Variants in DSN1 observed in about 807,000 individuals in gnomAD.
The protein encoded by DSN1 is DSN1 component of MIS12 kinetochore complex, also known as kinetochore-associated protein DSN1 homolog.
Under a neutral mutation model 45.7 loss-of-function variants are expected in DSN1, and 31 were observed. That is an observed-to-expected ratio of 0.68 (90% CI 0.51 to 0.92). The LOEUF is 0.92. Among genes scored for constraint, DSN1 ranks in the 40% least tolerant of loss-of-function variants. DSN1 has a pLI of 0.00. For synonymous variants in DSN1, 134 were observed against 142.3 expected (o/e 0.94, Z 0.41); for missense variants, 394 against 414.2 (o/e 0.95, Z 0.42).
At chr20:36,763,410 GAAAAA>G (rs71186016) in intron 5 of DSN1, among the ~76,000 whole-genome samples, 8 of 84,104 alleles carry the variant, frequency 9.5e-5, no homozygotes, top group South Asian at 5.2e-4. Flanking sequence ...CTCAAAAAAA[GAAAAA>G]AAAAAAAAAA....
chr20:36,754,066 A>G (rs1436620754), intron 10 of DSN1, among the ~76,000 whole-genome samples: 2 of 148,740 alleles, frequency 1.3e-5, no homozygotes, highest in African/African-American at 5.0e-5. Context: ...AGTGGCTCAC[A>G]CTTGTAATCC....
At chr20:36,758,028 T>A (rs1986769325) in intron 8 of DSN1, 59 bp downstream of exon 8, 1 of 1,489,298 alleles carries the variant, frequency 6.7e-7, no homozygotes, top group African/African-American at 1.4e-5. Flanking sequence ...AGAACTGAAA[T>A]AAACACCAAT....
chr20:36,763,776 A>C (rs1280097518), intron 5 of DSN1, among the ~76,000 whole-genome samples: 1 of 150,040 alleles, frequency 6.7e-6, no homozygotes, highest in Admixed American at 6.8e-5. Context: ...TGTCCCAGCT[A>C]CTCAGGAGGC....
intron 8 of DSN1, among the ~76,000 whole-genome samples, chr20:36,756,806 ATTT>A (rs1036921552): frequency 8.5e-5 from 13 of 152,182 alleles, no homozygotes; most frequent in African/African-American, 3.1e-4. Flanking sequence ...GCCACAAAAG[ATTT>A]TATCTGAAAC....
intron 4 of DSN1, 148 bp from the exon 5 acceptor site, chr20:36,766,989 T>TA (rs757530570): frequency 2.6e-5 from 13 of 507,958 alleles, no homozygotes; most frequent in Non-Finnish European, 4.1e-5. Flanking sequence ...CAGAAACAAA[T>TA]AAATAGATAA....
chr20:36,757,328 C>T (rs533487589), intron 8 of DSN1, among the ~76,000 whole-genome samples: 49 of 152,012 alleles, frequency 3.2e-4, no homozygotes, highest in South Asian at 1.5e-3. Context: ...TGCATTCCAG[C>T]CTGGGCGACA....
intron 3 of DSN1, among the ~76,000 whole-genome samples, chr20:36,769,798 G>T (rs1987534763): frequency 6.6e-6 from 1 of 151,760 alleles, no homozygotes; most frequent in African/African-American, 2.4e-5. Context: ...TCCACGTTAT[G>T]TTCTGTACTT....
chr20:36,753,930 CG>C (rs1385567690), intron 10 of DSN1, among the ~76,000 whole-genome samples: 4 of 151,496 alleles, frequency 2.6e-5, no homozygotes. Flanking sequence ...CCCTTGAACC[CG>C]GGAAGCAGAG....
intron 6 of DSN1, among the ~76,000 whole-genome samples, chr20:36,759,009 G>A (rs904980255): frequency 2.0e-5 from 3 of 149,394 alleles, no homozygotes; most frequent in African/African-American, 7.4e-5. Context: ...TTGAGACGGA[G>A]TCTCGCTTTG....
chr20:36,753,635 C>CAAAAAA (rs1290145844), intron 10 of DSN1, among the ~76,000 whole-genome samples: 5 of 49,740 alleles, frequency 1.0e-4, no homozygotes, highest in Non-Finnish European at 1.3e-4. Flanking sequence ...GAGACTGTCT[C>CAAAAAA]AAAAAAAAAA....
In DSN1 at chr20:36,755,964, G is replaced by GT. The variant is rs1015668242; in HGVS notation, c.726-136dup. 1,285 of 987,630 alleles carry GT rather than the reference G, an allele frequency of 1.3e-3. 1 individual carries two copies. Among genetic ancestry groups the GT allele is most frequent in the South Asian group, 2.5e-3 (128 of 50,710 alleles). 61.2% of individuals were successfully genotyped at this position (987,630 alleles called of 1,614,324 possible). A position where few individuals can be genotyped will look rare whatever the true frequency, so the allele number is the denominator to read the frequency against. ...TATAGGCTCACTTCTTAACAGAAAG[G>GT]TTTTTTTTTGTTTGTTTGTTTGTTT... On this transcript the variant is annotated intron_variant, in intron 8 of 10. Coordinates refer to ENST00000373750, the MANE Select transcript of DSN1 (RefSeq NM_001145315.2).
chr20:36,765,846 T>TAAAAAAAAAAAA (rs72491027), intron 5 of DSN1, among the ~76,000 whole-genome samples: 7 of 69,458 alleles, frequency 1.0e-4, no homozygotes, highest in East Asian at 8.1e-4. Context: ...AGCAAAAGAC[T>TAAAAAAAAAAAA]AAAAAAAAAA....
At chr20:36,770,284 G>T (rs1463016292) in intron 3 of DSN1, among the ~76,000 whole-genome samples, 1 of 151,920 alleles carries the variant, frequency 6.6e-6, no homozygotes, top group Non-Finnish European at 1.5e-5. Context: ...TGCCTAGGTT[G>T]TCCTCAAACT....
intron 7 of DSN1, 117 bp from the exon 8 acceptor site, chr20:36,758,278 C>G: frequency 9.9e-7 from 1 of 1,008,380 alleles, no homozygotes; most frequent in Non-Finnish European, 1.5e-6. Context: ...GTTGACAGGT[C>G]ATTACAGGGT....
chr20:36,760,275 A>G (rs1379940915), intron 6 of DSN1, among the ~76,000 whole-genome samples: 1 of 151,654 alleles, frequency 6.6e-6, no homozygotes, highest in Non-Finnish European at 1.5e-5. Flanking sequence ...CAAAAAAACA[A>G]CTCTGTGACT....
chr20:36,768,049 T>C lies in DSN1; in HGVS notation c.356-7A>G. The C allele has an allele frequency of 6.2e-7, 1 of 1,613,972 alleles. No individual in the cohort carries two copies. Among genetic ancestry groups the C allele is most frequent in the Non-Finnish European group, 8.5e-7 (1 of 1,179,918 alleles). ...CTGATAGACCGGCTGAGCTCTAACA[T>C]AAAACATAGCCACATTTAAGGAGCT... On this transcript the variant is annotated splice_region_variant and splice_polypyrimidine_tract_variant and intron_variant, in intron 3 of 10. Transcript: ENST00000373750.
Position 36,771,186 on chromosome 20 carries a change from T to C in DSN1, c.42A>G (p.Gly14=), listed in dbSNP as rs757503682. ...VTRSEIIDEK[G]PVMSKTHDHQ... Reference sequence around the variant, plus strand: ...GATCATGAGTCTTAGACATCACTGGTCCTTTTTCTAGTATTTGTTATAAAA... The same window carrying C: ...GATCATGAGTCTTAGACATCACTGGCCCTTTTTCTAGTATTTGTTATAAAA... Residue 14 remains glycine, a synonymous_variant, in exon 3 of 11, where the codon GGA becomes GGG. Coordinates refer to ENST00000373750, the MANE Select transcript of DSN1 (RefSeq NM_001145315.2). 6.3e-7 allele frequency: 1 copy of C among 1,593,496 alleles called. No homozygotes were observed. The highest frequency in any genetic ancestry group is 8.6e-7 in the Non-Finnish European group (1 of 1,169,388).
chr20:36,757,147 G>A (rs1441561069), intron 8 of DSN1, among the ~76,000 whole-genome samples: 2 of 152,242 alleles, frequency 1.3e-5, no homozygotes, highest in African/African-American at 2.4e-5. Context: ...CTTGAGGCCA[G>A]GAGTTCACGA....
intron 4 of DSN1, 94 bp downstream of exon 4, chr20:36,767,875 C>T: frequency 7.7e-7 from 1 of 1,296,024 alleles, no homozygotes; most frequent in Middle Eastern, 1.9e-4. Flanking sequence ...GCACTCCAGC[C>T]TGGGTGACAG....
Sources: gnomAD v4.1 joint callset for allele counts (sites outside exome capture counted in the v4.1 genomes callset) on GRCh38, gnomAD v4.1.1 for gene constraint, MANE v1.5 for transcripts, NCBI Gene and HGNC (gene_info 2026-07-23, HGNC 2026-07-21) for gene names.